Variants in LCOR observed in about 807,000 individuals in gnomAD.
LCOR encodes the protein ligand-dependent corepressor.
A neutral mutation model predicts 64.4 loss-of-function variants in LCOR; 14 were observed. The ratio of observed to expected loss-of-function variants is 0.22; its 90% confidence interval spans 0.14 to 0.34. The LOEUF is 0.34. Among genes scored for constraint, LCOR ranks in the 10% least tolerant of loss-of-function variants. The probability of loss-of-function intolerance (pLI) is 1.00; values close to 1 mark genes in which losing one functional copy is unlikely to be tolerated. For synonymous variants in LCOR, 643 were observed against 642.5 expected, an observed-to-expected ratio of 1.00 and a Z score of -0.01; for missense variants, 1,686 against 1,765.3, an observed-to-expected ratio of 0.96 and a Z score of 0.80.
Position 96,952,127 on chromosome 10 carries a change from A to G in LCOR, c.263A>G (p.Lys88Arg). 3 of 1,614,042 alleles carry G rather than the reference A, an allele frequency of 1.9e-6. No homozygotes were observed. Among genetic ancestry groups the G allele is most frequent in the East Asian group, 2.2e-5 (1 of 44,878 alleles). ...EQDGVLDLST[K>R]KSPCAGSTSL... ...GACGGTGTACTTGATCTGTCCACTA[A>G]GAAAAGTCCATGTGCTGGCAGCACT... Residue 88 changes from lysine (K) to arginine (R), a missense_variant, in exon 7 of 8, where the codon AAG (lysine) becomes AGG (arginine). By Grantham distance (26) the Lys-to-Arg change is conservative. This residue lies in a region of LCOR where 80 missense variants were observed against 107.7 expected (regional missense o/e 0.74). Coordinates refer to ENST00000421806, the MANE Select transcript of LCOR (RefSeq NM_001346516.2).
intron 2 of LCOR, among the ~76,000 whole-genome samples, chr10:96,877,113 CA>C (rs1192812418): frequency 6.6e-6 from 1 of 152,140 alleles, no homozygotes; most frequent in Non-Finnish European, 1.5e-5. Flanking sequence ...CCAAAGGACC[CA>C]GGGGCCATCT....
In LCOR at chr10:96,949,158, C is replaced by T. The variant is rs763362938; in HGVS notation, c.101C>T (p.Pro34Leu). The part of the protein sequence containing the change: ...QPNSTKNQSL[P>L]KASPVTTSPT... The stretch of plus-strand genomic sequence containing the variant: ...AATAGCACAAAGAACCAAAGCCTGC[C>T]GAAAGCATCTCCAGTCACCACCTCT... Residue 34 changes from proline (P) to leucine (L), a missense_variant, in exon 6 of 8, where the codon CCG becomes CTG. By Grantham distance (98) the Pro-to-Leu change is moderately conservative. This residue lies in a region of LCOR where 80 missense variants were observed against 107.7 expected (regional missense o/e 0.74). Transcript: ENST00000421806. The T allele has an allele frequency of 3.1e-5, 50 of 1,613,926 alleles. No individual in the cohort carries two copies. In the East Asian group the frequency reaches 8.0e-4, roughly 26 times the overall value.
At chr10:96,972,563 T>G (rs1278028897) in intron 7 of LCOR, among the ~76,000 whole-genome samples, 1 of 152,212 alleles carries the variant, frequency 6.6e-6, no homozygotes, top group Non-Finnish European at 1.5e-5. Context: ...GGTAAAAATA[T>G]GTTAAAGAAT....
rs1848136212 is a variant in LCOR at position 96,985,030 on chromosome 10, C to A, written c.4570C>A (p.Pro1524Thr). ...GAGTAGTGGAAAGACTCGGGCCAGA[C>A]CCTCAACGAAAACCCCAGAGAGCAG... ...KQSSGKTRAR[P>T]STKTPESSAA... is the part of the protein sequence containing the mutation. The change falls in exon 8 of 8, where the codon CCC becomes ACC. Residue 1524 changes from proline to threonine, a missense_variant. By Grantham distance (38) the Pro-to-Thr change is conservative. Around this residue, in one of 3 missense-constraint regions of LCOR, gnomAD observed 1,293 missense variants for 1,410.4 expected, o/e 0.92. Transcript: ENST00000421806. 6.2e-7 allele frequency: 1 copy of A among 1,614,186 alleles called. No homozygotes were observed. Among genetic ancestry groups the A allele is most frequent in the Non-Finnish European group, 8.5e-7 (1 of 1,180,040 alleles).
At chr10:96,944,325 G>T in intron 5 of LCOR, 80 bp downstream of exon 5, 1 of 789,324 alleles carries the variant, frequency 1.3e-6, no homozygotes, top group Non-Finnish European at 1.5e-6. Flanking sequence ...CATTTTTAAA[G>T]TTACTCTTAA....
chr10:96,927,440 G>A (rs540187638), intron 4 of LCOR, among the ~76,000 whole-genome samples: 12 of 151,162 alleles, frequency 7.9e-5, no homozygotes, highest in African/African-American at 2.4e-4. Context: ...TTTTCTTTGC[G>A]TCATTTGAAA....
At chr10:96,927,101 A>G (rs1224613394) in intron 4 of LCOR, among the ~76,000 whole-genome samples, 1 of 152,216 alleles carries the variant, frequency 6.6e-6, no homozygotes, top group Non-Finnish European at 1.5e-5. Context: ...ACGGTTTACC[A>G]AAGTGACTGA....
rs926496356 is a variant in LCOR at position 96,875,827 on chromosome 10, C to A, written c.-329-31438C>A. Among the ~76,000 whole-genome samples the A allele has an allele frequency of 5.9e-5, 9 of 152,152 alleles. No individual in the cohort carries two copies. In the South Asian group the frequency reaches 1.9e-3, roughly 32 times the overall value. ...GCTGCAGTGAGCTGTGTTTGCACCA[C>A]TGCACTCCAGCCTGGGCAACAAAGA... is the stretch of plus-strand genomic sequence containing the variant. On this transcript the variant is annotated intron_variant, in intron 2 of 7. Coordinates refer to ENST00000421806, the MANE Select transcript of LCOR (RefSeq NM_001346516.2).
At chr10:96,891,530 CTTTTTTTTTTTTTTTTTT>C (rs71007307) in intron 2 of LCOR, among the ~76,000 whole-genome samples, 1 of 7,636 alleles carries the variant, frequency 1.3e-4, no homozygotes, top group Non-Finnish European at 2.4e-4. Context: ...TGTCTTGACT[CTTTTTTTTTTTTTTTTTT>C]TTTTTTTTTT....
Position 96,983,882 on chromosome 10 carries a change from A to C in LCOR, c.3422A>C (p.Lys1141Thr). ...EGQPTPRARN[K>T]SDKLKEIWKS... ...CAGCCAACACCAAGAGCAAGGAACA[A>C]ATCAGATAAACTGAAAGAGATTTGG... The change falls in exon 8 of 8, where the codon AAA (lysine) becomes ACA (threonine). Residue 1141 changes from lysine (K) to threonine (T), a missense_variant. This residue lies in a region of LCOR where 1,293 missense variants were observed against 1,410.4 expected (regional missense o/e 0.92). Transcript: ENST00000421806. The surrounding 1 kb of genome is among the most constrained non-coding windows in gnomAD (Gnocchi z 4.5). 1 of 1,614,236 alleles carries C rather than the reference A, an allele frequency of 6.2e-7. No homozygotes were observed. The highest frequency in any genetic ancestry group is 1.7e-5 in the Admixed American group (1 of 60,032).
At chr10:96,872,191 C>G (rs1276474427) in intron 2 of LCOR, among the ~76,000 whole-genome samples, 3 of 152,248 alleles carry the variant, frequency 2.0e-5, no homozygotes, top group Non-Finnish European at 4.4e-5. Context: ...GGTGTGAACT[C>G]TATTGTGAGG....
At chr10:96,941,686 G>T (rs1170984274) in intron 4 of LCOR, among the ~76,000 whole-genome samples, 13 of 151,074 alleles carry the variant, frequency 8.6e-5, no homozygotes, top group African/African-American at 2.9e-4. Context: ...CTTCTCAGAC[G>T]GGGCGGTTGC....
In LCOR at chr10:96,832,962, G is replaced by A. The variant is rs1845370921; in HGVS notation, c.-403-444G>A. On this transcript the variant is annotated intron_variant, in intron 1 of 7. Coordinates refer to ENST00000421806, the MANE Select transcript of LCOR (RefSeq NM_001346516.2). ...CGCCCGGCGCTCGGGCGTGTGCGAA[G>A]CGTGAGGTGGAGATGGGGGCGGAGG... 3 of 982,736 alleles carry A rather than the reference G, an allele frequency of 3.1e-6. No homozygotes were observed. The African/African-American group carries it at 5.3e-5, about 17-fold the overall frequency. The allele number at this position is 982,736 out of a possible 1,614,324, so 60.9% of individuals were successfully genotyped here.
At chr10:96,859,905 A>G (rs1421477806) in intron 2 of LCOR, among the ~76,000 whole-genome samples, 1 of 152,112 alleles carries the variant, frequency 6.6e-6, no homozygotes, top group Admixed American at 6.5e-5. Context: ...GGATAGAAGG[A>G]CATTGGCCAG....
In LCOR at chr10:96,901,593, A is replaced by G. The variant is rs560033974; in HGVS notation, c.-329-5672A>G. Among the ~76,000 whole-genome samples, 68 of 152,318 alleles carry G rather than the reference A, an allele frequency of 4.5e-4. 1 individual carries two copies. In the South Asian group the frequency reaches 0.012, roughly 27 times the overall value. ...CATTAGGAAGTTTTTGTTTCCTTCT[A>G]AATTTTTAAAACGTTCATTCTTTGC... On this transcript the variant is annotated intron_variant, in intron 2 of 7. Transcript: ENST00000421806.
intron 7 of LCOR, among the ~76,000 whole-genome samples, chr10:96,953,151 T>C (rs1397530742): frequency 2.0e-5 from 3 of 152,186 alleles, no homozygotes; most frequent in Non-Finnish European, 2.9e-5. Flanking sequence ...AGTATTAATT[T>C]AATCCATTAT....
At chr10:96,944,289 A>ATTAT in intron 5 of LCOR, 44 bp downstream of exon 5, 1 of 943,478 alleles carries the variant, frequency 1.1e-6, no homozygotes. Flanking sequence ...CTTGTCTTGT[A>ATTAT]TTATTGATCT....
rs191422024 is a variant in LCOR at position 96,920,963 on chromosome 10, A to G, written c.-184+13216A>G. ...CAGGCACTTGCCACCACACCTGGCT[A>G]ATTTTTAAATTTTTTGTGGAGATGG... On this transcript the variant is annotated intron_variant, in intron 4 of 7. Transcript: ENST00000421806. Among the ~76,000 whole-genome samples, 21 of 151,812 alleles carry G rather than the reference A, an allele frequency of 1.4e-4. No homozygotes were observed. The East Asian group carries it at 3.5e-3, about 25-fold the overall frequency.
In LCOR at chr10:96,919,064, G is replaced by A. The variant is rs140583226; in HGVS notation, c.-184+11317G>A. Among the ~76,000 whole-genome samples the A allele has an allele frequency of 2.6e-3, 390 of 152,266 alleles. 3 individuals carry two copies. Among genetic ancestry groups the A allele is most frequent in the African/African-American group, 9.0e-3 (373 of 41,556 alleles). On this transcript the variant is annotated intron_variant, in intron 4 of 7. Coordinates refer to ENST00000421806, the MANE Select transcript of LCOR (RefSeq NM_001346516.2). ...TATTTTTGTATTTTATATTTTGTCA[G>A]TGTAAAAACCATGAGGCAGTTGAAA...
Sources: allele counts gnomAD v4.1 joint callset (sites outside exome capture counted in the v4.1 genomes callset), GRCh38; gene constraint gnomAD v4.1.1; regional missense constraint gnomAD v4.1.1; non-coding constraint Gnocchi (gnomAD v3.1); transcripts MANE v1.5; gene names NCBI Gene and HGNC (gene_info 2026-07-23, HGNC 2026-07-21).